Variants in KIAA1217 observed in about 807,000 individuals in gnomAD.
KIAA1217 encodes the protein sickle tail protein homolog.
Under a neutral mutation model 163.9 loss-of-function variants are expected in KIAA1217, and 88 were observed. That is an observed-to-expected ratio of 0.54 (90% CI 0.45 to 0.64). The LOEUF (loss-of-function observed/expected upper bound fraction) is 0.64. Ranked by LOEUF, KIAA1217 falls within the 30% of genes least tolerant of loss-of-function variation. The probability of loss-of-function intolerance (pLI) is 0.00; values close to 1 mark genes in which losing one functional copy is unlikely to be tolerated. For missense variants in KIAA1217, 2,372 were observed against 2,475.0 expected, an observed-to-expected ratio of 0.96 and a Z score of 0.88; for synonymous variants, 903 against 923.1, an observed-to-expected ratio of 0.98 and a Z score of 0.39.
chr10:24,094,667 G>T (rs1007801435), intron 2 of KIAA1217, among the ~76,000 whole-genome samples: 3 of 152,226 alleles, frequency 2.0e-5, no homozygotes, highest in African/African-American at 7.2e-5. Flanking sequence ...CAGTTAGGCT[G>T]CTCGGGGGTC....
intron 2 of KIAA1217, among the ~76,000 whole-genome samples, chr10:24,316,658 C>A (rs2043417723): frequency 6.6e-6 from 1 of 152,166 alleles, no homozygotes; most frequent in African/African-American, 2.4e-5. Flanking sequence ...ACTCTGTGTT[C>A]TATCTGAATG....
chr10:24,210,134 C>T (rs554843575), intron 1 of KIAA1217, among the ~76,000 whole-genome samples: 65 of 147,434 alleles, frequency 4.4e-4, no homozygotes, highest in Admixed American at 2.7e-3. Context: ...AAAAGACGTG[C>T]GGGAGTGCAG....
intron 3 of KIAA1217, among the ~76,000 whole-genome samples, chr10:24,408,016 G>T (rs550786464): frequency 3.0e-4 from 46 of 152,230 alleles, no homozygotes; most frequent in Admixed American, 2.6e-3. Context: ...AATTTTGAGA[G>T]GTCATATAGC....
At chr10:24,449,130 G>A (rs888160084) in intron 5 of KIAA1217, among the ~76,000 whole-genome samples, 1 of 152,176 alleles carries the variant, frequency 6.6e-6, no homozygotes, top group African/African-American at 2.4e-5. Context: ...GAAATGATTA[G>A]CTAGGCAAAC....
intron 2 of KIAA1217, among the ~76,000 whole-genome samples, chr10:24,298,425 A>T (rs1472688102): frequency 6.6e-6 from 1 of 152,180 alleles, no homozygotes; most frequent in Non-Finnish European, 1.5e-5. Context: ...AATTACTGGC[A>T]TGGACAGCCT....
chr10:24,322,457 T>C (rs1350394742), intron 2 of KIAA1217, among the ~76,000 whole-genome samples: 2 of 151,944 alleles, frequency 1.3e-5, no homozygotes, highest in Non-Finnish European at 2.9e-5. Flanking sequence ...AAGACTAGTG[T>C]TGGGAGGAGC....
chr10:24,176,542 C>T (rs931412662), intron 2 of KIAA1217, among the ~76,000 whole-genome samples: 1 of 152,040 alleles, frequency 6.6e-6, no homozygotes, highest in African/African-American at 2.4e-5. Context: ...ACATAGAGTG[C>T]TGATTGGTGC....
At chr10:23,824,631 G>GAAAAAAAAA (rs1216051100) in intron 1 of KIAA1217, among the ~76,000 whole-genome samples, 2 of 11,384 alleles carry the variant, frequency 1.8e-4, no homozygotes, top group Non-Finnish European at 2.8e-4. Flanking sequence ...TCTGTCTCAA[G>GAAAAAAAAA]AAAAAAAAAA....
At chr10:24,171,957 T>A (rs779039314) in intron 2 of KIAA1217, among the ~76,000 whole-genome samples, 6 of 152,134 alleles carry the variant, frequency 3.9e-5, no homozygotes, top group Non-Finnish European at 8.8e-5. Flanking sequence ...AATTTCATCC[T>A]CACAACATCC....
intron 1 of KIAA1217, among the ~76,000 whole-genome samples, chr10:23,812,856 C>T (rs1454681866): frequency 1.3e-5 from 2 of 152,102 alleles, no homozygotes; most frequent in Non-Finnish European, 2.9e-5. Flanking sequence ...AAGGTTTCTT[C>T]TTGGGTTGTT....
rs566667135 is a variant in KIAA1217, at chr10:23,908,974, C to T, written c.-320-98251C>T. 9.2e-5 allele frequency among the ~76,000 whole-genome samples: 14 copies of T among 151,956 alleles called. No homozygotes were observed. The South Asian group carries it at 1.0e-3, about 11-fold the overall frequency. On this transcript the variant is annotated intron_variant, in intron 1 of 18. Coordinates refer to the KIAA1217 transcript ENST00000376462. ...AACAACCCAAATGCCCATCAATCAA[C>T]GAGTGGATAAAGAAACATATATATA...
At chr10:24,068,640 C>G (rs1197122897) in intron 2 of KIAA1217, among the ~76,000 whole-genome samples, 3 of 152,210 alleles carry the variant, frequency 2.0e-5, no homozygotes, top group African/African-American at 7.2e-5. Context: ...CAGCTAAAAC[C>G]TCTGTTGGCC....
At chr10:23,826,656 C>T (rs552046555) in intron 1 of KIAA1217, among the ~76,000 whole-genome samples, 2 of 152,248 alleles carry the variant, frequency 1.3e-5, no homozygotes, top group East Asian at 3.9e-4. Context: ...GCCAGGGTGT[C>T]CCTTCCATGC....
chr10:23,790,092 T>C (rs1230115440), intron 1 of KIAA1217, among the ~76,000 whole-genome samples: 3 of 95,802 alleles, frequency 3.1e-5, no homozygotes, highest in African/African-American at 1.4e-4. Context: ...CACATATGCA[T>C]ATACACATAT....
At chr10:23,825,369 C>T (rs925829553) in intron 1 of KIAA1217, among the ~76,000 whole-genome samples, 1 of 152,252 alleles carries the variant, frequency 6.6e-6, no homozygotes, top group Admixed American at 6.5e-5. Flanking sequence ...TTTTCCTTAT[C>T]TTTGCATCCT....
At chr10:24,191,558 T>G in intron 2 of KIAA1217, among the ~76,000 whole-genome samples, 1 of 151,990 alleles carries the variant, frequency 6.6e-6, no homozygotes, top group Admixed American at 6.6e-5. Flanking sequence ...CACAAATATA[T>G]ATATATATAT....
intron 1 of KIAA1217, among the ~76,000 whole-genome samples, chr10:23,965,779 T>C (rs1845042825): frequency 6.6e-6 from 1 of 152,130 alleles, no homozygotes; most frequent in African/African-American, 2.4e-5. Context: ...GGGCCCAGTT[T>C]CTAGTGCTTG....
chr10:23,787,472 T>C (rs1043293304), intron 1 of KIAA1217, among the ~76,000 whole-genome samples: 3 of 152,116 alleles, frequency 2.0e-5, no homozygotes, highest in Admixed American at 6.6e-5. Flanking sequence ...TTCAGGAGCT[T>C]GCCAAATCCA....
intron 2 of KIAA1217, among the ~76,000 whole-genome samples, chr10:24,021,301 T>C (rs1383449978): frequency 6.6e-6 from 1 of 151,992 alleles, no homozygotes. Context: ...TTTTTCTGTA[T>C]ACCAGCAATC....
Sources: allele counts gnomAD v4.1 joint callset (sites outside exome capture counted in the v4.1 genomes callset), GRCh38; gene constraint gnomAD v4.1.1; transcripts MANE v1.5; gene names NCBI Gene and HGNC (gene_info 2026-07-23, HGNC 2026-07-21).